CTNNBIP1: variants seen among roughly 807,000 people sequenced by gnomAD.
CTNNBIP1 encodes beta-catenin-interacting protein 1.
Under a neutral mutation model 11.8 loss-of-function variants are expected in CTNNBIP1, and 7 were observed. The ratio of observed to expected loss-of-function variants is 0.60; its 90% CI spans 0.34 to 1.12. The LOEUF (loss-of-function observed/expected upper bound fraction) is 1.12, where lower values mean the gene tolerates loss of function less well. CTNNBIP1 is among the 50% of genes most tolerant of loss of function. CTNNBIP1 has a pLI of 0.03. For missense variants in CTNNBIP1, 101 were observed against 113.4 expected (o/e 0.89, Z 0.50); for synonymous variants, 58 against 43.9 (o/e 1.32, Z -1.26).
At chr1:9,886,514 G>C (rs12069470) in intron 1 of CTNNBIP1, among the ~76,000 whole-genome samples, 94 of 152,336 alleles carry the variant, frequency 6.2e-4, no homozygotes, top group African/African-American at 2.0e-3. Flanking sequence ...TGCACCATTG[G>C]CAACTCTCAG....
intron 1 of CTNNBIP1, among the ~76,000 whole-genome samples, chr1:9,899,242 G>A (rs748238849): frequency 2.0e-5 from 3 of 150,690 alleles, no homozygotes; most frequent in Non-Finnish European, 4.4e-5. Flanking sequence ...GATCACCTAA[G>A]ATCAGGAGTT....
At chr1:9,864,122 T>C (rs1048054642) in intron 5 of CTNNBIP1, among the ~76,000 whole-genome samples, 4 of 152,064 alleles carry the variant, frequency 2.6e-5, no homozygotes, top group African/African-American at 9.7e-5. Context: ...CCCTGGAAAG[T>C]GTCTTGGAGA....
intron 1 of CTNNBIP1, among the ~76,000 whole-genome samples, chr1:9,902,063 G>GA: frequency 6.6e-6 from 1 of 152,128 alleles, no homozygotes; most frequent in Non-Finnish European, 1.5e-5. Flanking sequence ...GAAGAGAGCT[G>GA]AAGGCCTGGT....
chr1:9,854,195 T>G (rs7526154), intron 5 of CTNNBIP1, among the ~76,000 whole-genome samples: 1 of 151,976 alleles, frequency 6.6e-6, no homozygotes, highest in Non-Finnish European at 1.5e-5. Flanking sequence ...ACCAACATGG[T>G]GAAACCCCAT....
chr1:9,906,373 C>G (rs1172323913), intron 1 of CTNNBIP1, among the ~76,000 whole-genome samples: 1 of 152,088 alleles, frequency 6.6e-6, no homozygotes, highest in Non-Finnish European at 1.5e-5. Flanking sequence ...GCCTGACCAA[C>G]ATGGTGAAAC....
chr1:9,852,085 C>T (rs912058999), intron 5 of CTNNBIP1, among the ~76,000 whole-genome samples: 2 of 152,082 alleles, frequency 1.3e-5, no homozygotes, highest in African/African-American at 2.4e-5. Flanking sequence ...AAAGGCCACC[C>T]GAGGGTGGGC....
At chr1:9,896,574 C>T (rs1242970391) in intron 1 of CTNNBIP1, among the ~76,000 whole-genome samples, 1 of 152,092 alleles carries the variant, frequency 6.6e-6, no homozygotes, top group African/African-American at 2.4e-5. Context: ...GCGGCTCACG[C>T]TTCTAATCCC....
chr1:9,891,514 A>T (rs1249474527), intron 1 of CTNNBIP1, among the ~76,000 whole-genome samples: 1 of 152,168 alleles, frequency 6.6e-6, no homozygotes, highest in African/African-American at 2.4e-5. Flanking sequence ...AATCAATTGG[A>T]TCGGCTGCAG....
intron 1 of CTNNBIP1, among the ~76,000 whole-genome samples, chr1:9,889,294 C>T (rs1008882156): frequency 1.7e-4 from 26 of 152,302 alleles, no homozygotes; most frequent in Non-Finnish European, 3.2e-4. Flanking sequence ...GATTCTGCCC[C>T]ACGGCAGAAA....
intron 5 of CTNNBIP1, among the ~76,000 whole-genome samples, chr1:9,856,467 A>G (rs1638504385): frequency 2.0e-5 from 3 of 152,000 alleles, no homozygotes; most frequent in Admixed American, 1.3e-4. Flanking sequence ...ATGTTGACAA[A>G]TCATATATCT....
At chr1:9,856,898 G>GCA (rs1638513588) in intron 5 of CTNNBIP1, among the ~76,000 whole-genome samples, 1 of 150,044 alleles carries the variant, frequency 6.7e-6, no homozygotes, top group Non-Finnish European at 1.5e-5. Context: ...CCGAGATGGG[G>GCA]GATCACCTGA....
chr1:9,857,824 C>G (rs1406099537), intron 5 of CTNNBIP1, among the ~76,000 whole-genome samples: 1 of 152,108 alleles, frequency 6.6e-6, no homozygotes, highest in Non-Finnish European at 1.5e-5. Flanking sequence ...ACAACAACAA[C>G]AAAAATCCAA....
chr1:9,870,755 T>C (rs1249694827), intron 5 of CTNNBIP1, among the ~76,000 whole-genome samples: 2 of 152,140 alleles, frequency 1.3e-5, no homozygotes, highest in Admixed American at 6.5e-5. Flanking sequence ...CCAGCCACAA[T>C]GTGGTCTGTG....
At chr1:9,864,460 C>T (rs979086017) in intron 5 of CTNNBIP1, among the ~76,000 whole-genome samples, 3 of 152,218 alleles carry the variant, frequency 2.0e-5, no homozygotes, top group Non-Finnish European at 2.9e-5. Flanking sequence ...TCCTGAGTAG[C>T]CAGGACTACA....
In CTNNBIP1 at chr1:9,848,982, AG is replaced by A. The variant is rs2101408742; in HGVS notation, c.*1735del. On this transcript the variant is annotated 3_prime_UTR_variant, in exon 6 of 6. Coordinates refer to ENST00000377263, the MANE Select transcript of CTNNBIP1 (RefSeq NM_020248.3). The surrounding 1 kb of genome is among the most constrained non-coding windows in gnomAD (Gnocchi z 4.3). ...CGGCCCGAGCCCCAAGCCCCGAGAA[AG>A]GGGAAAGATTTGGTTCTGAGAGGGT... is the stretch of plus-strand genomic sequence containing the variant. The A allele has an allele frequency of 6.6e-6, 1 of 152,258 alleles. No homozygotes were observed. The highest frequency in any genetic ancestry group is 1.5e-5 in the Non-Finnish European group (1 of 68,036). The allele number at this position is 152,258 out of a possible 1,614,324, so 9.4% of individuals were successfully genotyped here.
chr1:9,877,314 A>C (rs1030662972), intron 3 of CTNNBIP1, among the ~76,000 whole-genome samples: 4 of 152,216 alleles, frequency 2.6e-5, no homozygotes, highest in Non-Finnish European at 5.9e-5. Context: ...TTTGACAGGC[A>C]CGAGTGGCCC....
chr1:9,880,644 G>A (rs1313311508), intron 2 of CTNNBIP1, among the ~76,000 whole-genome samples: 1 of 152,170 alleles, frequency 6.6e-6, no homozygotes, highest in Admixed American at 6.5e-5. Flanking sequence ...AGCATTTATT[G>A]TTTCCTGATG....
chr1:9,866,375 C>T (rs981223199), intron 5 of CTNNBIP1, among the ~76,000 whole-genome samples: 1 of 152,146 alleles, frequency 6.6e-6, no homozygotes, highest in African/African-American at 2.4e-5. Flanking sequence ...ATCCTCAAGG[C>T]AGTGGGGAGC....
Position 9,871,247 on chromosome 1 carries a change from T to G in CTNNBIP1, c.127A>C (p.Thr43Pro). ...TGGCTGTTGACCACCCCTGCATAGG[T>G]GCGCAGGAACTCCTCCTCGCTGGCT... is the stretch of plus-strand genomic sequence containing the variant. ...LTASEEEFLR[T>P]YAGVVNSQLS... Residue 43 changes from threonine to proline, a missense_variant, in exon 5 of 6, where the codon ACC becomes CCC. Physicochemically the swap from Thr to Pro is conservative, Grantham distance 38. Transcript: ENST00000377263. The surrounding 1 kb of genome is among the most constrained non-coding windows in gnomAD (Gnocchi z 5.2). The G allele has an allele frequency of 6.3e-7, 1 of 1,579,300 alleles. No homozygotes were observed. Among genetic ancestry groups the G allele is most frequent in the Admixed American group, 1.9e-5 (1 of 53,728 alleles).
Sources: allele counts gnomAD v4.1 joint callset (sites outside exome capture counted in the v4.1 genomes callset), GRCh38; gene constraint gnomAD v4.1.1; non-coding constraint Gnocchi (gnomAD v3.1); transcripts MANE v1.5; gene names NCBI Gene and HGNC (gene_info 2026-07-23, HGNC 2026-07-21).